INTS9: variants seen among roughly 807,000 people sequenced by gnomAD.
INTS9 encodes protein related to CPSF subunits of 74 kDa.
In INTS9, 55 loss-of-function variants were observed where a neutral mutation model predicts 79.7. That is an observed-to-expected ratio of 0.69 (90% CI 0.56 to 0.86). INTS9 has a LOEUF of 0.86. Ranked by LOEUF, INTS9 falls within the 40% of genes least tolerant of loss-of-function variation. The pLI is 0.00. For missense variants in INTS9, 721 were observed against 831.5 expected (o/e 0.87, Z 1.64); for synonymous variants, 319 against 325.2 (o/e 0.98, Z 0.20).
chr8:28,772,826 C>T (rs1802628441), intron 14 of INTS9, among the ~76,000 whole-genome samples: 1 of 151,132 alleles, frequency 6.6e-6, no homozygotes, highest in African/African-American at 2.4e-5. Context: ...AAAAAAAAGA[C>T]ATACAATTTA....
intron 12 of INTS9, among the ~76,000 whole-genome samples, chr8:28,779,496 C>A (rs775990134): frequency 6.6e-6 from 1 of 152,158 alleles, no homozygotes; most frequent in African/African-American, 2.4e-5. Flanking sequence ...ATCCTGAACA[C>A]GGAACACAGA....
chr8:28,882,545 AAAG>A lies in INTS9; in HGVS notation c.9+7326_9+7328del, dbSNP rs1489660126. On this transcript the variant is annotated intron_variant, in intron 1 of 16. Transcript: ENST00000521022. ...GATATTAACAGCTAAAAAAAAAAAA[AAAG>A]AAAAAAAAAAAGAAAAATGTAGACA... Among the ~76,000 whole-genome samples, 405 of 144,028 alleles carry A rather than the reference AAAG, an allele frequency of 2.8e-3. 3 individuals are homozygous for A. Among genetic ancestry groups the A allele is most frequent in the Non-Finnish European group, 4.6e-3 (304 of 65,934 alleles). The allele number at this position is 144,028 out of a possible 152,430, so 94.5% of individuals were successfully genotyped here.
At chr8:28,847,781 T>C (rs918306427) in intron 3 of INTS9, among the ~76,000 whole-genome samples, 4 of 152,070 alleles carry the variant, frequency 2.6e-5, no homozygotes, top group African/African-American at 9.7e-5. Flanking sequence ...AAGTGATCAG[T>C]GCAAAGGAAG....
chr8:28,822,048 T>A (rs552520183), intron 6 of INTS9, among the ~76,000 whole-genome samples: 1 of 152,298 alleles, frequency 6.6e-6, no homozygotes, highest in East Asian at 1.9e-4. Flanking sequence ...ATTATGGGCA[T>A]GACTGATATC....
At chr8:28,819,881 G>A (rs1305355629) in intron 6 of INTS9, among the ~76,000 whole-genome samples, 2 of 152,188 alleles carry the variant, frequency 1.3e-5, no homozygotes, top group Non-Finnish European at 2.9e-5. Context: ...TCTTCTTGTT[G>A]AATTGATCCC....
At chr8:28,874,697 C>A (rs1340731875) in intron 1 of INTS9, among the ~76,000 whole-genome samples, 6 of 152,162 alleles carry the variant, frequency 3.9e-5, no homozygotes, top group Non-Finnish European at 8.8e-5. Flanking sequence ...GTAAAACCCA[C>A]CATGCTTTTG....
chr8:28,886,615 T>C (rs1212471747), intron 1 of INTS9, among the ~76,000 whole-genome samples: 1 of 152,200 alleles, frequency 6.6e-6, no homozygotes. Context: ...ATATATTTTC[T>C]GTATGCACTC....
At chr8:28,882,329 GGCCGC>G (rs1563319981) in intron 1 of INTS9, among the ~76,000 whole-genome samples, 1 of 51,350 alleles carries the variant, frequency 1.9e-5, no homozygotes, top group African/African-American at 4.3e-5. Flanking sequence ...GAAGGCCGAA[GGCCGC>G]AGGGTCCTCT....
chr8:28,880,604 C>G (rs1002797849), intron 1 of INTS9, among the ~76,000 whole-genome samples: 1 of 150,574 alleles, frequency 6.6e-6, no homozygotes, highest in Admixed American at 6.6e-5. Context: ...GATCTCGGCT[C>G]GCTACAACCA....
At chr8:28,794,855 C>T (rs1220455042) in intron 9 of INTS9, among the ~76,000 whole-genome samples, 1 of 152,110 alleles carries the variant, frequency 6.6e-6, no homozygotes, top group South Asian at 2.1e-4. Context: ...TAAGGGAATG[C>T]GGTTAGTGGA....
At chr8:28,875,230 A>AG (rs1324466391) in intron 1 of INTS9, among the ~76,000 whole-genome samples, 1 of 152,214 alleles carries the variant, frequency 6.6e-6, no homozygotes, top group Admixed American at 6.5e-5. Flanking sequence ...TCCAAATAGG[A>AG]GGATGTCTTG....
At chr8:28,769,715 C>CT in intron 16 of INTS9, 174 bp downstream of exon 16, 1 of 777,912 alleles carries the variant, frequency 1.3e-6, no homozygotes, top group Non-Finnish European at 2.0e-6. Context: ...ACTCCTCACT[C>CT]TGCTTTCTTT....
At chr8:28,844,643 T>A (rs936553181) in intron 4 of INTS9, among the ~76,000 whole-genome samples, 1 of 152,066 alleles carries the variant, frequency 6.6e-6, no homozygotes, top group African/African-American at 2.4e-5. Context: ...CTGGCCAACA[T>A]GGTGAAACCC....
At chr8:28,794,506 G>C (rs1804090506) in intron 9 of INTS9, among the ~76,000 whole-genome samples, 1 of 152,132 alleles carries the variant, frequency 6.6e-6, no homozygotes, top group African/African-American at 2.4e-5. Flanking sequence ...TGGTGGACTT[G>C]CTATTACTAG....
At chr8:28,858,866 C>G (rs1563302429) in intron 2 of INTS9, among the ~76,000 whole-genome samples, 1 of 152,220 alleles carries the variant, frequency 6.6e-6, no homozygotes, top group Non-Finnish European at 1.5e-5. Context: ...CTTCTATAAA[C>G]TGTTTCTAAA....
chr8:28,769,912 G>A lies in INTS9; in HGVS notation c.1777C>T (p.Gln593Ter), dbSNP rs1341389806. Reference sequence around the variant, plus strand: ...ACCTTCTCCAGGGTCTGCACGAACTGCTCCACAGGGATGGAACCGCTCAAC... The same window carrying A: ...ACCTTCTCCAGGGTCTGCACGAACTACTCCACAGGGATGGAACCGCTCAAC... ...PLLSGSIPVE[Q>*]FVQTLEKHGF... is the part of the protein sequence containing the mutation. The change falls in exon 16 of 17, where the codon CAG becomes TAG. Residue 593 changes from glutamine to a stop codon, truncating the protein, a stop_gained. Transcript: ENST00000521022. LOFTEE classifies it high-confidence loss of function. 3 of 1,614,064 alleles carry A rather than the reference G, an allele frequency of 1.9e-6. No homozygotes were observed. Among genetic ancestry groups the A allele is most frequent in the Non-Finnish European group, 2.5e-6 (3 of 1,180,032 alleles).
intron 2 of INTS9, 63 bp from the exon 3 acceptor site, chr8:28,850,336 G>A (rs1031553526): frequency 1.9e-5 from 25 of 1,315,778 alleles, no homozygotes; most frequent in Non-Finnish European, 2.7e-5. Context: ...ATGACTTCAT[G>A]GTAACTTACT....
chr8:28,887,053 A>G (rs577951480), intron 1 of INTS9, among the ~76,000 whole-genome samples: 1 of 152,340 alleles, frequency 6.6e-6, no homozygotes, highest in East Asian at 1.9e-4. Flanking sequence ...GAGGACAGAC[A>G]CACGCCAATA....
At chr8:28,770,181 G>A (rs1802449773) in intron 15 of INTS9, among the ~76,000 whole-genome samples, 155 bp from the exon 16 acceptor site, 2 of 152,266 alleles carry the variant, frequency 1.3e-5, no homozygotes, top group African/African-American at 4.8e-5. Context: ...TTCCCTGGCT[G>A]CCGGGAGCCC....
Sources: allele counts gnomAD v4.1 joint callset (sites outside exome capture counted in the v4.1 genomes callset), GRCh38; gene constraint gnomAD v4.1.1; transcripts MANE v1.5; gene names NCBI Gene and HGNC (gene_info 2026-07-23, HGNC 2026-07-21).